Variants in AQR observed in about 807,000 individuals in gnomAD.
The protein encoded by AQR is RNA helicase aquarius.
A neutral mutation model predicts 180.5 loss-of-function variants in AQR; 61 were observed. The ratio of observed to expected loss-of-function variants is 0.34; its 90% CI spans 0.28 to 0.42. The LOEUF (loss-of-function observed/expected upper bound fraction) is 0.42. AQR is among the 10% of genes least tolerant of loss of function. AQR has a pLI of 1.00. For synonymous variants in AQR, 551 were observed against 588.8 expected, an observed-to-expected ratio of 0.94 and a Z score of 0.93; for missense variants, 1,281 against 1,798.3, an observed-to-expected ratio of 0.71 and a Z score of 5.20.
intron 13 of AQR, among the ~76,000 whole-genome samples, chr15:34,926,624 A>T (rs905203676): frequency 2.6e-5 from 4 of 152,252 alleles, no homozygotes; most frequent in Admixed American, 2.0e-4. Flanking sequence ...TCAAAAGGAT[A>T]TATTAGCAGA....
intron 22 of AQR, among the ~76,000 whole-genome samples, chr15:34,895,044 T>A: frequency 6.7e-6 from 1 of 148,254 alleles, no homozygotes. Flanking sequence ...GGTGCACACC[T>A]GTAATCCCAG....
chr15:34,923,089 T>C (rs1036973396), intron 13 of AQR, among the ~76,000 whole-genome samples: 1 of 152,218 alleles, frequency 6.6e-6, no homozygotes, highest in Non-Finnish European at 1.5e-5. Context: ...ATAAGATATC[T>C]TGAGAGAGAG....
At chr15:34,962,725 T>C (rs1566792954) in intron 2 of AQR, among the ~76,000 whole-genome samples, 1 of 150,976 alleles carries the variant, frequency 6.6e-6, no homozygotes, top group Non-Finnish European at 1.5e-5. Context: ...GCCAGAATCG[T>C]GCCATTACAC....
At chr15:34,903,801 C>T (rs1893370705) in intron 19 of AQR, among the ~76,000 whole-genome samples, 1 of 152,018 alleles carries the variant, frequency 6.6e-6, no homozygotes, top group African/African-American at 2.4e-5. Flanking sequence ...TAAAACTATC[C>T]TTTACTAAAA....
At chr15:34,965,511 A>C (rs151010769) in intron 1 of AQR, among the ~76,000 whole-genome samples, 7,561 of 152,134 alleles carry the variant, frequency 0.05, 272 homozygotes, top group African/African-American at 0.1. Flanking sequence ...TCTCTACCAA[A>C]AACACAAAAA....
chr15:34,935,180 GAAC>G (rs1405564289), intron 9 of AQR, among the ~76,000 whole-genome samples: 2 of 151,950 alleles, frequency 1.3e-5, no homozygotes, highest in South Asian at 2.1e-4. Context: ...ATGACACAAA[GAAC>G]AATAAAAATA....
At chr15:34,936,775 GGTTTAT>G (rs1470351824) in intron 9 of AQR, among the ~76,000 whole-genome samples, 1 of 151,860 alleles carries the variant, frequency 6.6e-6, no homozygotes, top group Non-Finnish European at 1.5e-5. Context: ...AACAGCAAGT[GGTTTAT>G]AGGCTGTTAA....
At chr15:34,895,550 C>T (rs1262698151) in intron 22 of AQR, among the ~76,000 whole-genome samples, 7 of 151,680 alleles carry the variant, frequency 4.6e-5, no homozygotes, top group Admixed American at 1.3e-4. Flanking sequence ...GCTGCAGTAA[C>T]GATATTAATA....
rs753207769 is a variant in AQR at position 34,857,120 on chromosome 15, A to AC, written c.4144-15_4144-14insG. The AC allele has an allele frequency of 1.2e-4, 184 of 1,537,718 alleles. 1 individual carries two copies. Among genetic ancestry groups the AC allele is most frequent in the Admixed American group, 5.5e-4 (25 of 45,396 alleles). On this transcript the variant is annotated splice_polypyrimidine_tract_variant and intron_variant, in intron 34 of 34. Transcript: ENST00000156471. ...TTGTAATAAAGTCTAATTAAAAAAA[A>AC]AAAAACAAAGACAATACCAATATGA... is the stretch of plus-strand genomic sequence containing the variant.
In AQR at chr15:34,915,025, C is replaced by T; in HGVS notation, c.1484+13G>A. The T allele has an allele frequency of 6.3e-7, 1 of 1,592,426 alleles. No individual in the cohort carries two copies. Among genetic ancestry groups the T allele is most frequent in the South Asian group, 1.2e-5 (1 of 86,298 alleles). On this transcript the variant is annotated intron_variant, in intron 16 of 34. Coordinates refer to ENST00000156471, the MANE Select transcript of AQR (RefSeq NM_014691.3). ...TTGCATCTCTTCATTACAGGTGGAA[C>T]CAATTTACTAACCATGGCTTCATTC...
intron 17 of AQR, among the ~76,000 whole-genome samples, chr15:34,908,730 C>T (rs1595793806): frequency 1.3e-5 from 2 of 152,196 alleles, no homozygotes; most frequent in African/African-American, 4.8e-5. Context: ...GGGAAGTGGC[C>T]TGTTTTTAAA....
chr15:34,897,966 G>A (rs892492886), intron 20 of AQR, among the ~76,000 whole-genome samples: 13 of 152,208 alleles, frequency 8.5e-5, no homozygotes, highest in Non-Finnish European at 1.3e-4. Context: ...TATCTCATGT[G>A]CATTGTAAAG....
At chr15:34,898,864 A>C (rs1566985088) in intron 20 of AQR, among the ~76,000 whole-genome samples, 1 of 141,530 alleles carries the variant, frequency 7.1e-6, no homozygotes, top group Non-Finnish European at 1.5e-5. Context: ...AGCCCGGGTG[A>C]CAGAGCGAAA....
intron 13 of AQR, among the ~76,000 whole-genome samples, chr15:34,922,535 T>C (rs150869258): frequency 1.0e-3 from 152 of 152,136 alleles, no homozygotes; most frequent in African/African-American, 3.4e-3. Flanking sequence ...GTCAATATTA[T>C]CCGTTTTGGG....
chr15:34,882,477 A>AC (rs1555423269), intron 27 of AQR, 25 bp downstream of exon 27: 5 of 1,455,060 alleles, frequency 3.4e-6, no homozygotes, highest in South Asian at 1.5e-5. Flanking sequence ...AAAAAAAAAA[A>AC]AAAAAAACTA....
At chr15:34,917,410 A>G (rs1250590636) in intron 15 of AQR, among the ~76,000 whole-genome samples, 1 of 152,234 alleles carries the variant, frequency 6.6e-6, no homozygotes, top group Admixed American at 6.5e-5. Flanking sequence ...GCATATACTC[A>G]GTTGTGGCAA....
At chr15:34,875,554 TA>T in intron 28 of AQR, among the ~76,000 whole-genome samples, 1 of 151,934 alleles carries the variant, frequency 6.6e-6, no homozygotes, top group Non-Finnish European at 1.5e-5. Context: ...AACTTAGGCA[TA>T]AAGAAAAGCA....
At chr15:34,862,570 T>C (rs1407699250) in intron 33 of AQR, among the ~76,000 whole-genome samples, 1 of 152,098 alleles carries the variant, frequency 6.6e-6, no homozygotes, top group Non-Finnish European at 1.5e-5. Context: ...TTTTATTTAT[T>C]TATTTTTTAT....
At chr15:34,941,193 T>G (rs1313273359) in intron 7 of AQR, among the ~76,000 whole-genome samples, 194 bp from the exon 8 acceptor site, 1 of 152,214 alleles carries the variant, frequency 6.6e-6, no homozygotes, top group Non-Finnish European at 1.5e-5. Context: ...CAACTCTAGC[T>G]CTTGTTAATA....
Sources: allele counts gnomAD v4.1 joint callset (sites outside exome capture counted in the v4.1 genomes callset), GRCh38; gene constraint gnomAD v4.1.1; transcripts MANE v1.5; gene names NCBI Gene and HGNC (gene_info 2026-07-23, HGNC 2026-07-21).